Variants in CPEB3 observed in about 807,000 individuals in gnomAD.
CPEB3 encodes the protein cytoplasmic polyadenylation element-binding protein 3.
A neutral mutation model predicts 67.2 loss-of-function variants in CPEB3; 20 were observed. The observed-to-expected ratio is 0.30, with a 90% CI of 0.21 to 0.43. The LOEUF (loss-of-function observed/expected upper bound fraction) is 0.43. Ranked by LOEUF, CPEB3 falls within the 20% of genes least tolerant of loss-of-function variation. CPEB3 has a pLI of 1.00. For synonymous variants in CPEB3, 376 were observed against 393.1 expected (o/e 0.96, Z 0.51); for missense variants, 746 against 968.6 (o/e 0.77, Z 3.05).
chr10:92,289,933 G>T (rs535619991), intron 1 of CPEB3, among the ~76,000 whole-genome samples: 1 of 125,368 alleles, frequency 8.0e-6, no homozygotes, highest in African/African-American at 3.7e-5. Flanking sequence ...TGTGGTGGGG[G>T]GGGGTGGGTG....
At chr10:92,236,470 G>A (rs192227729) in intron 2 of CPEB3, among the ~76,000 whole-genome samples, 6 of 152,258 alleles carry the variant, frequency 3.9e-5, no homozygotes, top group East Asian at 1.9e-4. Context: ...TTGCTAGGCC[G>A]GGCATGGTGG....
intron 2 of CPEB3, among the ~76,000 whole-genome samples, chr10:92,236,693 G>C (rs1484053150): frequency 1.3e-5 from 2 of 152,142 alleles, no homozygotes; most frequent in African/African-American, 2.4e-5. Context: ...AGGTTGCAGT[G>C]AGCCGAGATC....
intron 2 of CPEB3, among the ~76,000 whole-genome samples, chr10:92,214,660 A>C (rs188172854): frequency 1.3e-5 from 2 of 150,962 alleles, no homozygotes; most frequent in East Asian, 3.9e-4. Flanking sequence ...TTTTTTTTGT[A>C]TTTTTACTAG....
At chr10:92,171,574 G>A (rs888053354) in intron 4 of CPEB3, among the ~76,000 whole-genome samples, 41 of 152,268 alleles carry the variant, frequency 2.7e-4, no homozygotes, top group South Asian at 4.1e-4. Context: ...AGGAAGGGGG[G>A]TAGAATAGGG....
At chr10:92,131,795 G>A (rs183938525) in intron 6 of CPEB3, among the ~76,000 whole-genome samples, 2 of 152,298 alleles carry the variant, frequency 1.3e-5, no homozygotes, top group African/African-American at 4.8e-5. Context: ...TCTGTAAAGA[G>A]ATGTGTGTGC....
chr10:92,089,239 G>A (rs1843509013), intron 8 of CPEB3, among the ~76,000 whole-genome samples: 2 of 152,078 alleles, frequency 1.3e-5, no homozygotes, highest in African/African-American at 4.8e-5. Context: ...CAATCCCTAG[G>A]ATTATACATA....
At chr10:92,286,285 C>T (rs181231841) in intron 1 of CPEB3, among the ~76,000 whole-genome samples, 109 of 151,990 alleles carry the variant, frequency 7.2e-4, no homozygotes, top group Non-Finnish European at 1.1e-3. Context: ...GATTGTATGC[C>T]TCTGAAGGGT....
At chr10:92,081,758 G>A (rs552634191) in intron 8 of CPEB3, among the ~76,000 whole-genome samples, 1 of 152,298 alleles carries the variant, frequency 6.6e-6, no homozygotes, top group African/African-American at 2.4e-5. Flanking sequence ...AACTTTAGCA[G>A]TAGTATAGAA....
intron 4 of CPEB3, among the ~76,000 whole-genome samples, chr10:92,153,596 C>T (rs1847065656): frequency 6.6e-6 from 1 of 152,080 alleles, no homozygotes; most frequent in Non-Finnish European, 1.5e-5. Context: ...GCCTGGCCAA[C>T]ATGGAGAAAC....
chr10:92,195,050 C>A (rs950834960), intron 2 of CPEB3, among the ~76,000 whole-genome samples: 15 of 146,038 alleles, frequency 1.0e-4, no homozygotes, highest in South Asian at 4.3e-4. Flanking sequence ...TCAAAAAACA[C>A]ACACACACAC....
At chr10:92,152,587 T>C (rs1847013560) in intron 4 of CPEB3, among the ~76,000 whole-genome samples, 3 of 152,232 alleles carry the variant, frequency 2.0e-5, no homozygotes, top group Admixed American at 1.3e-4. Context: ...AGAGAATATA[T>C]GAAACAAAAC....
At chr10:92,281,020 A>C (rs1590613706) in intron 1 of CPEB3, among the ~76,000 whole-genome samples, 1 of 151,358 alleles carries the variant, frequency 6.6e-6, no homozygotes, top group Non-Finnish European at 1.5e-5. Context: ...TCAGCCTCCC[A>C]AAGTGCTGGG....
intron 2 of CPEB3, among the ~76,000 whole-genome samples, chr10:92,193,221 AG>A (rs1193921856): frequency 6.6e-6 from 1 of 152,180 alleles, no homozygotes; most frequent in Admixed American, 6.5e-5. Flanking sequence ...CAAAAAAAAA[AG>A]AACAATGACT....
chr10:92,139,653 A>C (rs890949319), intron 6 of CPEB3, among the ~76,000 whole-genome samples: 12 of 152,210 alleles, frequency 7.9e-5, no homozygotes, highest in Non-Finnish European at 1.5e-4. Context: ...AATCAACAAT[A>C]ATCTACTGTA....
At chr10:92,277,436 A>G (rs1256765929) in intron 1 of CPEB3, among the ~76,000 whole-genome samples, 1 of 152,190 alleles carries the variant, frequency 6.6e-6, no homozygotes, top group African/African-American at 2.4e-5. Flanking sequence ...CCTTGTCAAA[A>G]TCTATTGACT....
intron 9 of CPEB3, among the ~76,000 whole-genome samples, chr10:92,054,797 T>C (rs1465275016): frequency 6.6e-6 from 1 of 152,172 alleles, no homozygotes; most frequent in East Asian, 1.9e-4. Context: ...AAAATATGTA[T>C]ACCCTTTGAC....
chr10:92,193,481 A>G (rs1487254928), intron 2 of CPEB3, among the ~76,000 whole-genome samples: 1 of 151,450 alleles, frequency 6.6e-6, no homozygotes, highest in Admixed American at 6.6e-5. Flanking sequence ...TTTTTGAGAC[A>G]AGGTCTTGCT....
chr10:92,291,211 C>G (rs906212848), upstream of CPEB3: 7 of 517,018 alleles, frequency 1.4e-5, no homozygotes, highest in African/African-American at 2.1e-5. Flanking sequence ...TCGGCGCCCG[C>G]GGTCCATGGA....
At chr10:92,237,465 T>A (rs189045168) in intron 2 of CPEB3, among the ~76,000 whole-genome samples, 1 of 152,306 alleles carries the variant, frequency 6.6e-6, no homozygotes. Context: ...GTGTAACAAC[T>A]GGCAATCCCT....
Sources: allele counts gnomAD v4.1 joint callset (sites outside exome capture counted in the v4.1 genomes callset), GRCh38; gene constraint gnomAD v4.1.1; transcripts MANE v1.5; gene names NCBI Gene and HGNC (gene_info 2026-07-23, HGNC 2026-07-21).